FOCAD: variants seen among roughly 807,000 people sequenced by gnomAD.
The protein encoded by FOCAD is focadhesin.
In FOCAD, 198 loss-of-function variants were observed where a neutral mutation model predicts 225.6. That is an observed-to-expected ratio of 0.88 (90% confidence interval 0.78 to 0.99). FOCAD has a LOEUF of 0.99. FOCAD is among the 50% of genes least tolerant of loss of function. The probability of loss-of-function intolerance (pLI) is 0.00; values close to 1 mark genes in which losing one functional copy is unlikely to be tolerated. For synonymous variants in FOCAD, 897 were observed against 755.0 expected (o/e 1.19, Z -3.08); for missense variants, 2,713 against 2,123.6 (o/e 1.28, Z -5.46).
At chr9:20,703,336 G>A (rs1036072470) in intron 1 of FOCAD, among the ~76,000 whole-genome samples, 11 of 152,068 alleles carry the variant, frequency 7.2e-5, no homozygotes, top group Admixed American at 6.6e-4. Context: ...TGTGGTTGTC[G>A]GGGTGGTTTA....
At chr9:20,852,471 G>A (rs1448740839) in intron 15 of FOCAD, among the ~76,000 whole-genome samples, 1 of 151,484 alleles carries the variant, frequency 6.6e-6, no homozygotes, top group African/African-American at 2.4e-5. Context: ...GGATACATAG[G>A]GTGGGGGTGG....
intron 18 of FOCAD, among the ~76,000 whole-genome samples, chr9:20,867,382 G>T (rs188093011): frequency 2.0e-5 from 3 of 152,008 alleles, no homozygotes; most frequent in African/African-American, 7.2e-5. Context: ...CTCTATTTGT[G>T]ATAAACAATG....
chr9:20,761,028 G>A (rs1384879538), intron 6 of FOCAD, among the ~76,000 whole-genome samples: 1 of 151,480 alleles, frequency 6.6e-6, no homozygotes, highest in Non-Finnish European at 1.5e-5. Flanking sequence ...TTTGGGGGGG[G>A]GCGTTACAAT....
intron 42 of FOCAD, among the ~76,000 whole-genome samples, chr9:20,991,845 G>A (rs1242495737): frequency 6.6e-6 from 1 of 150,506 alleles, no homozygotes; most frequent in Admixed American, 6.6e-5. Context: ...ATTTAAATGT[G>A]GTCTTCCCAT....
At chr9:20,792,044 C>T (rs1820591294) in intron 11 of FOCAD, among the ~76,000 whole-genome samples, 1 of 152,142 alleles carries the variant, frequency 6.6e-6, no homozygotes, top group African/African-American at 2.4e-5. Context: ...AGCCTCTGGC[C>T]ACCTGGTATG....
Position 20,714,171 on chromosome 9 carries a change from A to ATATACTTTAAACCGGT in FOCAD, c.-32-1149_-32-1134dup, listed in dbSNP as rs1825112266. On this transcript the variant is annotated intron_variant, in intron 1 of 43. Transcript: ENST00000338382. The stretch of plus-strand genomic sequence containing the variant: ...AAAAATTTTTTTTTGGACTATTTGC[A>ATATACTTTAAACCGGT]TATACTTTAAACCGGTTGAAAATCC... 3.3e-5 allele frequency among the ~76,000 whole-genome samples: 5 copies of ATATACTTTAAACCGGT among 152,194 alleles called. No individual in the cohort carries two copies. In the South Asian group the frequency reaches 1.0e-3, roughly 31 times the overall value.
rs761459704 is a variant in FOCAD at position 20,990,230 on chromosome 9, G to C, written c.5112G>C (p.Gln1704His). The C allele has an allele frequency of 8.1e-6, 13 of 1,614,084 alleles. No individual in the cohort carries two copies. The highest frequency in any genetic ancestry group is 1.3e-5 in the African/African-American group (1 of 74,952). Reference sequence around the variant, plus strand: ...GTGCCAGTTGGTTGCCATGGCATCAGGAGAATGGCCCGGCTGGGCCAGTAC... The same window carrying C: ...GTGCCAGTTGGTTGCCATGGCATCACGAGAATGGCCCGGCTGGGCCAGTAC... ...GLSASWLPWH[Q>H]ENGPAGPVPS... Residue 1704 changes from glutamine (Q) to histidine (H), a missense_variant, in exon 42 of 44, where the codon CAG becomes CAC. By Grantham distance (24) the Gln-to-His change is conservative. Coordinates refer to ENST00000338382, the MANE Select transcript of FOCAD (RefSeq NM_001375567.1).
At chr9:20,740,981 A>T (rs1229383083) in intron 5 of FOCAD, among the ~76,000 whole-genome samples, 2 of 152,188 alleles carry the variant, frequency 1.3e-5, no homozygotes, top group Non-Finnish European at 2.9e-5. Context: ...ATCTCTTAAG[A>T]GAGGGGCTCT....
At chr9:20,655,771 T>C (rs1223385710), upstream of FOCAD, among the ~76,000 whole-genome samples, 1 of 152,190 alleles carries the variant, frequency 6.6e-6, no homozygotes. Context: ...TGTGTCTCTA[T>C]TTCCTTCAGT....
rs1332641773 is a variant in FOCAD at position 20,793,128 on chromosome 9, T to A, written c.1455+3520T>A. On this transcript the variant is annotated intron_variant, in intron 11 of 43. Transcript: ENST00000338382. The stretch of plus-strand genomic sequence containing the variant: ...AAAAAGAAGCCAGAATGTACAGTAC[T>A]TTTAATAAATAGCTTGATAGATAAG... Among the ~76,000 whole-genome samples the A allele has an allele frequency of 2.0e-5, 3 of 152,214 alleles. No homozygotes were observed. In the South Asian group the frequency reaches 6.2e-4, roughly 32 times the overall value.
chr9:20,789,722 A>AT (rs543796120), intron 11 of FOCAD, 114 bp downstream of exon 11: 36,096 of 1,049,886 alleles, frequency 0.034, 5 homozygotes, highest in Non-Finnish European at 0.038. Context: ...TGGGTTGATG[A>AT]TTTTTTTTTT....
chr9:20,984,421 T>A (rs1412450494), intron 39 of FOCAD, among the ~76,000 whole-genome samples: 2 of 152,246 alleles, frequency 1.3e-5, no homozygotes, highest in Admixed American at 6.5e-5. Context: ...GTCATATCTG[T>A]TGACATTTTC....
chr9:20,762,722 A>G lies in FOCAD; in HGVS notation c.495-2147A>G, dbSNP rs551336940. 7.9e-5 allele frequency among the ~76,000 whole-genome samples: 12 copies of G among 152,094 alleles called. No homozygotes were observed. In the East Asian group the frequency reaches 2.1e-3, roughly 27 times the overall value. On this transcript the variant is annotated intron_variant, in intron 6 of 43. Transcript: ENST00000338382. Reference sequence around the variant, plus strand: ...GGGGTGTATGTGCAGATCTGTTGGAAGGGTATATTGTGTAGTGCTGAGGTT... The same window carrying G: ...GGGGTGTATGTGCAGATCTGTTGGAGGGGTATATTGTGTAGTGCTGAGGTT...
Position 20,720,537 on chromosome 9 carries a change from AC to A in FOCAD, c.287+4del. On this transcript the variant is annotated splice_donor_region_variant and intron_variant, in intron 4 of 43. Coordinates refer to ENST00000338382, the MANE Select transcript of FOCAD (RefSeq NM_001375567.1). ...CTCAACTTGATTCCATCAACCAGGTACTTTTTCCTCAGTGTTTGGTCAGTTA... is the reference window on the plus strand; with the variant it reads ...CTCAACTTGATTCCATCAACCAGGTATTTTTCCTCAGTGTTTGGTCAGTTA... 3 of 1,613,504 alleles carry A rather than the reference AC, an allele frequency of 1.9e-6. No homozygotes were observed. Among genetic ancestry groups the A allele is most frequent in the Non-Finnish European group, 2.5e-6 (3 of 1,179,752 alleles).
At chr9:20,747,301 C>T (rs888125258) in intron 5 of FOCAD, among the ~76,000 whole-genome samples, 2 of 152,078 alleles carry the variant, frequency 1.3e-5, no homozygotes, top group Admixed American at 1.3e-4. Context: ...CTGATTTGGA[C>T]TTATTTTCTA....
intron 39 of FOCAD, among the ~76,000 whole-genome samples, chr9:20,985,324 T>C (rs898122675): frequency 1.3e-5 from 2 of 152,220 alleles, no homozygotes; most frequent in Non-Finnish European, 2.9e-5. Flanking sequence ...AATCGTATTG[T>C]TAATAGCACT....
chr9:20,737,146 A>G (rs1057030704), intron 4 of FOCAD, among the ~76,000 whole-genome samples: 1 of 152,186 alleles, frequency 6.6e-6, no homozygotes, highest in Non-Finnish European at 1.5e-5. Flanking sequence ...CTGGATCCAC[A>G]GATAAGAGTA....
chr9:20,947,113 G>C (rs1476962510), intron 30 of FOCAD, among the ~76,000 whole-genome samples: 1 of 151,868 alleles, frequency 6.6e-6, no homozygotes, highest in Non-Finnish European at 1.5e-5. Context: ...AAAATATATG[G>C]CTAGGGAATA....
At chr9:20,967,997 T>G (rs1317024575) in intron 35 of FOCAD, among the ~76,000 whole-genome samples, 4 of 152,170 alleles carry the variant, frequency 2.6e-5, no homozygotes, top group African/African-American at 9.7e-5. Context: ...AAATACTCCC[T>G]TCTCCTATTT....
Sources: allele counts gnomAD v4.1 joint callset (sites outside exome capture counted in the v4.1 genomes callset), GRCh38; gene constraint gnomAD v4.1.1; transcripts MANE v1.5; gene names NCBI Gene and HGNC (gene_info 2026-07-23, HGNC 2026-07-21).